The following ANK2 variants were observed in gnomAD, a reference collection of about 807,000 sequenced individuals.
The protein encoded by ANK2 is ankyrin 2, also known as ankyrin-2.
A neutral mutation model predicts 360.5 loss-of-function variants in ANK2; 83 were observed. The ratio of observed to expected loss-of-function variants is 0.23; its 90% CI spans 0.19 to 0.28. The LOEUF (loss-of-function observed/expected upper bound fraction) is 0.28, where lower values mean the gene tolerates loss of function less well. Ranked by LOEUF, ANK2 falls within the 10% of genes least tolerant of loss-of-function variation. The probability of loss-of-function intolerance (pLI) is 1.00; values close to 1 mark genes in which losing one functional copy is unlikely to be tolerated. For synonymous variants in ANK2, 1,740 were observed against 1,759.5 expected, an observed-to-expected ratio of 0.99 and a Z score of 0.28; for missense variants, 4,201 against 4,795.7, an observed-to-expected ratio of 0.88 and a Z score of 3.66.
At chr4:112,990,279 AAATAAT>A (rs1297665313) in intron 2 of ANK2, among the ~76,000 whole-genome samples, 84 of 152,180 alleles carry the variant, frequency 5.5e-4, no homozygotes, top group Non-Finnish European at 1.5e-5. Context: ...AATAGCAATA[AAATAAT>A]AATAATAATG....
At chr4:112,816,863 T>C (rs1252768211), upstream of ANK2, among the ~76,000 whole-genome samples, 2 of 152,052 alleles carry the variant, frequency 1.3e-5, no homozygotes, top group African/African-American at 2.4e-5. Context: ...ATACAAAAAT[T>C]GGCCAGGTGT....
Position 112,940,719 on chromosome 4 carries a change from C to A in ANK2, c.21+36205C>A, listed in dbSNP as rs181535266. ...GTATTTACATTTTTAAACAAAAAGACCCAAAGTGAAGGAATCTATTGCAAA... is the reference window on the plus strand; with the variant it reads ...GTATTTACATTTTTAAACAAAAAGAACCAAAGTGAAGGAATCTATTGCAAA... On this transcript the variant is annotated intron_variant, in intron 2 of 30. Transcript: ENST00000503271. 1.1e-4 allele frequency among the ~76,000 whole-genome samples: 17 copies of A among 152,138 alleles called. No individual in the cohort carries two copies. The East Asian group carries it at 3.1e-3, about 28-fold the overall frequency.
intron 17 of ANK2, among the ~76,000 whole-genome samples, chr4:113,279,663 T>C (rs1265278617): frequency 2.7e-5 from 4 of 148,584 alleles, no homozygotes; most frequent in Non-Finnish European, 5.9e-5. Context: ...GATATATACA[T>C]AAAATATGTT....
chr4:113,210,735 A>G (rs1194936821), intron 4 of ANK2, among the ~76,000 whole-genome samples: 5 of 152,214 alleles, frequency 3.3e-5, no homozygotes, highest in African/African-American at 9.6e-5. Flanking sequence ...AATCCTTAGC[A>G]TATAGGGGCA....
chr4:113,007,222 G>A (rs1422977910), intron 2 of ANK2, among the ~76,000 whole-genome samples: 1 of 152,152 alleles, frequency 6.6e-6, no homozygotes, highest in Non-Finnish European at 1.5e-5. Context: ...ATTTTGTGCA[G>A]CGGTTAGTAT....
intron 2 of ANK2, among the ~76,000 whole-genome samples, chr4:112,999,358 AG>A (rs1261399706): frequency 2.0e-5 from 3 of 152,166 alleles, no homozygotes; most frequent in Admixed American, 6.5e-5. Flanking sequence ...CATTCTGCAG[AG>A]TAGACAAGCC....
the ANK2 span, among the ~76,000 whole-genome samples, chr4:112,790,459 C>G: frequency 6.7e-6 from 1 of 149,090 alleles, no homozygotes; most frequent in Admixed American, 6.7e-5. Flanking sequence ...TCTTTCTAGT[C>G]AGGGGCCCCA....
intron 2 of ANK2, among the ~76,000 whole-genome samples, chr4:112,958,164 A>G (rs2031945020): frequency 6.6e-6 from 1 of 151,572 alleles, no homozygotes; most frequent in Non-Finnish European, 1.5e-5. Context: ...GCGGCCAGGC[A>G]GAGAGGCTCC....
chr4:112,731,981 T>C, the ANK2 span, among the ~76,000 whole-genome samples: 1 of 152,148 alleles, frequency 6.6e-6, no homozygotes, highest in Non-Finnish European at 1.5e-5. Context: ...ATATTTCATA[T>C]GTTGTGGTAT....
chr4:112,955,474 C>T (rs989243844), intron 2 of ANK2, among the ~76,000 whole-genome samples: 1 of 151,932 alleles, frequency 6.6e-6, no homozygotes, highest in Non-Finnish European at 1.5e-5. Flanking sequence ...AGACTAACAC[C>T]TTAGCCTTTT....
intron 1 of ANK2, among the ~76,000 whole-genome samples, chr4:112,877,620 T>C (rs1436530082): frequency 6.6e-6 from 1 of 152,212 alleles, no homozygotes; most frequent in East Asian, 1.9e-4. Flanking sequence ...GAATGGTTAC[T>C]TGTTCAAAAT....
intron 45 of ANK2, among the ~76,000 whole-genome samples, chr4:113,378,760 G>A (rs373730422): frequency 3.3e-5 from 5 of 152,272 alleles, no homozygotes; most frequent in Middle Eastern, 3.4e-3. Flanking sequence ...ACATTTTTAC[G>A]CTTATACAAG....
chr4:112,926,809 T>C (rs2092613853), intron 2 of ANK2, among the ~76,000 whole-genome samples: 1 of 152,220 alleles, frequency 6.6e-6, no homozygotes, highest in Admixed American at 6.5e-5. Flanking sequence ...ATTAGCAAAA[T>C]CGTTTCAGTA....
chr4:112,740,063 T>A, the ANK2 span, among the ~76,000 whole-genome samples: 1 of 152,042 alleles, frequency 6.6e-6, no homozygotes, highest in Non-Finnish European at 1.5e-5. Context: ...TTCTAACCTA[T>A]TTCCATTTCC....
chr4:112,907,249 G>C (rs2085549611), intron 2 of ANK2, among the ~76,000 whole-genome samples: 1 of 152,098 alleles, frequency 6.6e-6, no homozygotes, highest in African/African-American at 2.4e-5. Flanking sequence ...ATTATAAGAA[G>C]GTTAATATGT....
At chr4:113,161,198 A>G (rs1390713797) in intron 1 of ANK2, among the ~76,000 whole-genome samples, 4 of 152,206 alleles carry the variant, frequency 2.6e-5, no homozygotes, top group Non-Finnish European at 5.9e-5. Context: ...CTCTTACACC[A>G]ACAAATCAAG....
chr4:113,143,822 C>A (rs575401224), intron 1 of ANK2, among the ~76,000 whole-genome samples: 5 of 152,078 alleles, frequency 3.3e-5, no homozygotes, highest in Admixed American at 1.3e-4. Context: ...AACATCATAG[C>A]CTACTTAAAT....
chr4:113,018,016 T>C (rs1039905495), intron 2 of ANK2, among the ~76,000 whole-genome samples: 9 of 152,222 alleles, frequency 5.9e-5, no homozygotes, highest in African/African-American at 2.2e-4. Context: ...TTCAAAGTAA[T>C]ATGTGTGAAA....
the ANK2 span, among the ~76,000 whole-genome samples, chr4:112,744,399 T>G: frequency 6.7e-6 from 1 of 148,214 alleles, no homozygotes; most frequent in East Asian, 2.0e-4. Flanking sequence ...CAGGTTGGAG[T>G]GCAGTGGCAC....
Sources: allele counts gnomAD v4.1 joint callset (sites outside exome capture counted in the v4.1 genomes callset), GRCh38; gene constraint gnomAD v4.1.1; transcripts MANE v1.5; gene names NCBI Gene and HGNC (gene_info 2026-07-23, HGNC 2026-07-21).